Variants in RGS17 observed in about 807,000 individuals in gnomAD.
RGS17 encodes the protein regulator of G protein signaling 17.
RGS17 carries 12 observed loss-of-function variants against 25.5 expected under a neutral mutation model. That is an observed-to-expected ratio of 0.47 (90% CI 0.30 to 0.76). The LOEUF (loss-of-function observed/expected upper bound fraction) is 0.76, where lower values mean the gene tolerates loss of function less well. Among genes scored for constraint, RGS17 ranks in the 30% least tolerant of loss-of-function variants. The pLI, the probability that RGS17 is intolerant of heterozygous loss-of-function variation, is 0.07. For synonymous variants in RGS17, 71 were observed against 76.9 expected (o/e 0.92, Z 0.40); for missense variants, 196 against 242.2 (o/e 0.81, Z 1.27).
At chr6:153,076,992 C>T (rs1776890255) in intron 1 of RGS17, among the ~76,000 whole-genome samples, 1 of 152,054 alleles carries the variant, frequency 6.6e-6, no homozygotes, top group South Asian at 2.1e-4. Flanking sequence ...AAAAAATGTA[C>T]TTTCATCATG....
intron 1 of RGS17, among the ~76,000 whole-genome samples, chr6:153,103,131 GGGACAATACAATAAATCACAAGATAT>G (rs1777328924): frequency 1.3e-5 from 2 of 152,122 alleles, no homozygotes; most frequent in African/African-American, 4.8e-5. Context: ...CTGAAAACCA[GGGACAATACAATAAATCACAAGATAT>G]ACAGGAGGAT....
At chr6:153,057,538 G>C (rs1047590235) in intron 1 of RGS17, among the ~76,000 whole-genome samples, 1 of 152,052 alleles carries the variant, frequency 6.6e-6, no homozygotes, top group Non-Finnish European at 1.5e-5. Flanking sequence ...TTACTCCAGC[G>C]GTCCCCAACT....
intron 1 of RGS17, among the ~76,000 whole-genome samples, chr6:153,114,091 T>C (rs1777511586): frequency 6.6e-6 from 1 of 151,954 alleles, no homozygotes; most frequent in Non-Finnish European, 1.5e-5. Flanking sequence ...AGAGCAAAAC[T>C]GAAGGAGACA....
At chr6:153,018,714 T>C (rs774562994) in intron 4 of RGS17, among the ~76,000 whole-genome samples, 9 of 152,252 alleles carry the variant, frequency 5.9e-5, no homozygotes, top group Non-Finnish European at 1.0e-4. Flanking sequence ...TCCTAAAATG[T>C]AAGCTCCATT....
chr6:153,086,033 T>A (rs1777048680), intron 1 of RGS17, among the ~76,000 whole-genome samples: 1 of 152,224 alleles, frequency 6.6e-6, no homozygotes, highest in African/African-American at 2.4e-5. Context: ...TTCTGAAAGA[T>A]AATTACGTCC....
intron 1 of RGS17, among the ~76,000 whole-genome samples, chr6:153,103,117 T>A (rs1777328666): frequency 6.6e-6 from 1 of 152,202 alleles, no homozygotes; most frequent in African/African-American, 2.4e-5. Context: ...TCCAATTTCG[T>A]TAGCTGAAAA....
At chr6:153,127,650 G>T (rs904954151) in intron 1 of RGS17, among the ~76,000 whole-genome samples, 1 of 152,024 alleles carries the variant, frequency 6.6e-6, no homozygotes, top group Admixed American at 6.6e-5. Context: ...TGTATCGTAG[G>T]GGATCTAAGA....
intron 1 of RGS17, among the ~76,000 whole-genome samples, chr6:153,126,409 C>T (rs1314882415): frequency 6.6e-6 from 1 of 151,636 alleles, no homozygotes; most frequent in Non-Finnish European, 1.5e-5. Context: ...TATGATGAAC[C>T]CCAATGCCCT....
chr6:153,035,115 C>A (rs1455399878), intron 2 of RGS17, among the ~76,000 whole-genome samples: 1 of 150,488 alleles, frequency 6.6e-6, no homozygotes. Context: ...GATCGCACCA[C>A]TGCACTGCAG....
rs1779092035 is a variant in RGS17 at position 153,007,739 on chromosome 6, C to G, written c.*3835G>C. On this transcript the variant is annotated 3_prime_UTR_variant, in exon 5 of 5. Transcript: ENST00000206262. Reference sequence around the variant, plus strand: ...CTCAAGTAGCCGGGATTAAAGGCACCCACCACCATGCCCGGCTAATTTTGT... The same window carrying G: ...CTCAAGTAGCCGGGATTAAAGGCACGCACCACCATGCCCGGCTAATTTTGT... The G allele has an allele frequency of 6.6e-6, 1 of 152,094 alleles. No individual in the cohort carries two copies. Among genetic ancestry groups the G allele is most frequent in the African/African-American group, 2.4e-5 (1 of 41,398 alleles). The allele number at this position is 152,094 out of a possible 1,614,324, so 9.4% of individuals were successfully genotyped here.
At position 153,064,498 on chromosome 6, in the gene RGS17, C is replaced by T. The variant is rs561342876; in HGVS notation, c.-25-20455G>A. ...ACAAAAAATTAGCCGGGTGTGGTGG[C>T]GGACGCCTGTAGTCCCAGCTACTCG... On this transcript the variant is annotated intron_variant, in intron 1 of 4. Coordinates refer to ENST00000206262, the MANE Select transcript of RGS17 (RefSeq NM_012419.5). 8.6e-5 allele frequency among the ~76,000 whole-genome samples: 13 copies of T among 151,872 alleles called. No homozygotes were observed. The South Asian group carries it at 2.5e-3, about 29-fold the overall frequency.
chr6:153,099,645 GA>G (rs924278216), intron 1 of RGS17, among the ~76,000 whole-genome samples: 8 of 151,808 alleles, frequency 5.3e-5, no homozygotes, highest in African/African-American at 1.7e-4. Context: ...CGTTTGGGTA[GA>G]AAAAAAAGAT....
At position 153,094,882 on chromosome 6, in the gene RGS17, AATTTTTAAAC is replaced by A. The variant is rs1242726626; in HGVS notation, c.-26+36232_-26+36241del. 3.5e-5 allele frequency among the ~76,000 whole-genome samples: 5 copies of A among 143,662 alleles called. No individual in the cohort carries two copies. In the East Asian group the frequency reaches 1.0e-3, roughly 30 times the overall value. 94.2% of individuals were successfully genotyped at this position (143,662 alleles called of 152,430 possible). On this transcript the variant is annotated intron_variant, in intron 1 of 4. Coordinates refer to ENST00000206262, the MANE Select transcript of RGS17 (RefSeq NM_012419.5). ...AAATAATTTCTGAATTAGAATATTT[AATTTTTAAAC>A]ATTTTAAATCACTTTTTATAATTAC... is the stretch of plus-strand genomic sequence containing the variant.
intron 2 of RGS17, among the ~76,000 whole-genome samples, chr6:153,042,672 T>C (rs902935845): frequency 1.3e-5 from 2 of 152,222 alleles, no homozygotes; most frequent in East Asian, 1.9e-4. Context: ...GGAAGCAATA[T>C]TGATATCTAT....
chr6:153,079,904 G>T (rs749804830), intron 1 of RGS17, among the ~76,000 whole-genome samples: 46 of 152,150 alleles, frequency 3.0e-4, no homozygotes, highest in Non-Finnish European at 6.3e-4. Context: ...CAGTTATTTG[G>T]ACCTTATTTG....
At chr6:153,124,905 C>T (rs1291022836) in intron 1 of RGS17, among the ~76,000 whole-genome samples, 1 of 152,124 alleles carries the variant, frequency 6.6e-6, no homozygotes, top group South Asian at 2.1e-4. Context: ...CCAAAACTGA[C>T]TCATAAAATC....
intron 2 of RGS17, among the ~76,000 whole-genome samples, chr6:153,041,138 C>T (rs1054315654): frequency 6.6e-6 from 1 of 152,020 alleles, no homozygotes; most frequent in Non-Finnish European, 1.5e-5. Flanking sequence ...GCAATCAAGC[C>T]TGCATGACAG....
At chr6:153,081,623 TC>T (rs777459611) in intron 1 of RGS17, among the ~76,000 whole-genome samples, 10 of 5,974 alleles carry the variant, frequency 1.7e-3, no homozygotes, top group East Asian at 0.045. Flanking sequence ...CTCATCTCCT[TC>T]TTTTTTTCCC....
intron 1 of RGS17, among the ~76,000 whole-genome samples, chr6:153,072,257 G>A (rs533914291): frequency 7.2e-5 from 11 of 152,184 alleles, no homozygotes; most frequent in South Asian, 6.2e-4. Flanking sequence ...CAAATAATTC[G>A]TAAGTAATTA....
Sources: gnomAD v4.1 joint callset for allele counts (sites outside exome capture counted in the v4.1 genomes callset) on GRCh38, gnomAD v4.1.1 for gene constraint, MANE v1.5 for transcripts, NCBI Gene and HGNC (gene_info 2026-07-23, HGNC 2026-07-21) for gene names.